TDRD3: variants seen among roughly 807,000 people sequenced by gnomAD.
The protein encoded by TDRD3 is tudor domain-containing protein 3.
In TDRD3, 45 loss-of-function variants were observed where a neutral mutation model predicts 86.7. That is an observed-to-expected ratio of 0.52 (90% confidence interval 0.41 to 0.67). The LOEUF (loss-of-function observed/expected upper bound fraction) is 0.67, where lower values mean the gene tolerates loss of function less well. TDRD3 is among the 30% of genes least tolerant of loss of function. The pLI is 0.00. For missense variants in TDRD3, 814 were observed against 889.0 expected (o/e 0.92, Z 1.07); for synonymous variants, 298 against 301.7 (o/e 0.99, Z 0.13).
intron 12 of TDRD3, among the ~76,000 whole-genome samples, chr13:60,550,867 C>G (rs1303145395): frequency 6.6e-6 from 1 of 152,120 alleles, no homozygotes; most frequent in African/African-American, 2.4e-5. Context: ...CTATTGAACA[C>G]TCAACTTTGT....
At chr13:60,404,512 G>A (rs1227888232) in intron 1 of TDRD3, among the ~76,000 whole-genome samples, 15 of 151,474 alleles carry the variant, frequency 9.9e-5, no homozygotes, top group African/African-American at 3.2e-4. Flanking sequence ...GGGTTTCACC[G>A]TTTTAGCCGG....
intron 5 of TDRD3, among the ~76,000 whole-genome samples, chr13:60,473,914 G>A (rs904219000): frequency 6.6e-6 from 1 of 152,144 alleles, no homozygotes; most frequent in African/African-American, 2.4e-5. Context: ...AACAGACCAG[G>A]AAAGGGAGTC....
At chr13:60,446,383 C>T (rs1316163159) in intron 3 of TDRD3, among the ~76,000 whole-genome samples, 2 of 151,892 alleles carry the variant, frequency 1.3e-5, no homozygotes, top group Non-Finnish European at 2.9e-5. Context: ...CATGCCACCA[C>T]GCCTGGCTAA....
At chr13:60,496,268 G>A (rs1180455858) in intron 8 of TDRD3, among the ~76,000 whole-genome samples, 1 of 128,476 alleles carries the variant, frequency 7.8e-6, no homozygotes, top group African/African-American at 2.9e-5. Context: ...GACCTTGTGA[G>A]TTAATACTTA....
intron 1 of TDRD3, among the ~76,000 whole-genome samples, chr13:60,413,281 A>T (rs1954408806): frequency 6.6e-6 from 1 of 152,188 alleles, no homozygotes; most frequent in Admixed American, 6.5e-5. Context: ...GAGGAAAAAA[A>T]TAGTTACAAA....
intron 10 of TDRD3, among the ~76,000 whole-genome samples, chr13:60,515,481 C>CAT (rs1003763379): frequency 3.3e-5 from 5 of 152,066 alleles, no homozygotes; most frequent in South Asian, 2.1e-4. Context: ...TACACACACA[C>CAT]ATATATATAT....
intron 4 of TDRD3, among the ~76,000 whole-genome samples, chr13:60,466,988 TTG>T (rs947180709): frequency 1.3e-5 from 2 of 152,072 alleles, no homozygotes; most frequent in Non-Finnish European, 2.9e-5. Context: ...TTTTGTTTTT[TTG>T]TTTTAAGTTT....
chr13:60,511,646 T>C (rs889283090), intron 10 of TDRD3, among the ~76,000 whole-genome samples: 2 of 152,238 alleles, frequency 1.3e-5, no homozygotes, highest in Non-Finnish European at 2.9e-5. Context: ...AAGTCTCAGA[T>C]GCTGATGTTA....
intron 5 of TDRD3, among the ~76,000 whole-genome samples, chr13:60,473,874 G>C (rs533029078): frequency 1.3e-5 from 2 of 152,162 alleles, no homozygotes; most frequent in African/African-American, 4.8e-5. Context: ...TAGCGGTAGC[G>C]TCAGTACCTG....
At chr13:60,517,092 G>C (rs1352477069) in intron 10 of TDRD3, among the ~76,000 whole-genome samples, 1 of 152,034 alleles carries the variant, frequency 6.6e-6, no homozygotes, top group Non-Finnish European at 1.5e-5. Context: ...GATATTAGCA[G>C]ATATAAAGAT....
At position 60,397,317 on chromosome 13, in the gene TDRD3, C is replaced by CCT; in HGVS notation, c.-48_-47insCT. ...GGGGGTCTCAAGTAGGAGGCCTCCC[C>CCT]ATCACCCCCACCCCAGCCCCCCACC... On this transcript the variant is annotated 5_prime_UTR_variant, in exon 1 of 14. It removes the in-frame stop codon of an upstream open reading frame in the 5' UTR. Transcript: ENST00000377881. 8.8e-7 allele frequency: 1 copy of CCT among 1,132,996 alleles called. No homozygotes were observed. The highest frequency in any genetic ancestry group is 1.2e-6 in the Non-Finnish European group (1 of 828,064). The allele number at this position is 1,132,996 out of a possible 1,614,324, so 70.2% of individuals were successfully genotyped here.
At chr13:60,564,321 T>C (rs967380768) in intron 12 of TDRD3, among the ~76,000 whole-genome samples, 1 of 152,140 alleles carries the variant, frequency 6.6e-6, no homozygotes. Context: ...TTCAATCAAA[T>C]ACATTTAAGA....
At chr13:60,547,444 C>T in intron 12 of TDRD3, 2 of 983,698 alleles carry the variant, frequency 2.0e-6, no homozygotes, top group African/African-American at 3.5e-5. Context: ...AGTCAGAAGA[C>T]CTGGGTTCGA....
At chr13:60,549,263 T>A (rs902997208) in intron 12 of TDRD3, among the ~76,000 whole-genome samples, 1 of 152,098 alleles carries the variant, frequency 6.6e-6, no homozygotes, top group Non-Finnish European at 1.5e-5. Flanking sequence ...GACAGATCAT[T>A]ATTAGTTTCT....
chr13:60,553,717 G>A (rs1958120704), intron 12 of TDRD3, among the ~76,000 whole-genome samples: 1 of 152,064 alleles, frequency 6.6e-6, no homozygotes, highest in African/African-American at 2.4e-5. Context: ...CAGCTCTCAT[G>A]AGAACTCACT....
At chr13:60,401,907 A>G (rs1954112661) in intron 1 of TDRD3, among the ~76,000 whole-genome samples, 2 of 152,262 alleles carry the variant, frequency 1.3e-5, no homozygotes, top group Non-Finnish European at 2.9e-5. Context: ...GTCAAAATGT[A>G]GAACTGGAAA....
rs1359584458 is a variant in TDRD3, at chr13:60,529,002, A to G, written c.1777A>G (p.Met593Val). 6.2e-7 allele frequency: 1 copy of G among 1,614,094 alleles called. No individual in the cohort carries two copies. The highest frequency in any genetic ancestry group is 1.1e-5 in the South Asian group (1 of 91,082). ...FIGVPNGEVEMPLKGRRIGPI... is the reference protein window; with the variant it reads ...FIGVPNGEVEVPLKGRRIGPI... ...TGGTGTTCCAAATGGAGAAGTAGAA[A>G]TGCCACTGAAAGGAAGACGAATAGG... Residue 593 changes from methionine (M) to valine (V), a missense_variant, in exon 11 of 14, where the codon ATG (methionine) becomes GTG (valine). Coordinates refer to ENST00000377881, the MANE Select transcript of TDRD3 (RefSeq NM_001146070.2).
chr13:60,461,986 T>A (rs1396159819), intron 4 of TDRD3, among the ~76,000 whole-genome samples: 1 of 152,200 alleles, frequency 6.6e-6, no homozygotes, highest in Non-Finnish European at 1.5e-5. Context: ...TATGACCTTT[T>A]CAGTGATTTC....
At position 60,528,910 on chromosome 13, in the gene TDRD3, T is replaced by C. The variant is rs772126078; in HGVS notation, c.1685T>C (p.Ile562Thr). 1 of 1,612,754 alleles carries C rather than the reference T, an allele frequency of 6.2e-7. No individual in the cohort carries two copies. The highest frequency in any genetic ancestry group is 1.1e-5 in the South Asian group (1 of 90,642). ...ATAAATAATGAAGCTTTCAGTGGTATAAAAATTGAAAAACATTTTAATGTA... is the reference window on the plus strand; with the variant it reads ...ATAAATAATGAAGCTTTCAGTGGTACAAAAATTGAAAAACATTTTAATGTA... ...QTINNEAFSGIKIEKHFNVNT... is the reference protein window; with the variant it reads ...QTINNEAFSGTKIEKHFNVNT... The change falls in exon 11 of 14, where the codon ATA (isoleucine) becomes ACA (threonine). Residue 562 changes from isoleucine to threonine, a missense_variant. Physicochemically the swap from Ile to Thr is moderately conservative, Grantham distance 89. Coordinates refer to ENST00000377881, the MANE Select transcript of TDRD3 (RefSeq NM_001146070.2).
Sources: gnomAD v4.1 joint callset for allele counts (sites outside exome capture counted in the v4.1 genomes callset) on GRCh38, gnomAD v4.1.1 for gene constraint, MANE v1.5 for transcripts, NCBI Gene and HGNC (gene_info 2026-07-23, HGNC 2026-07-21) for gene names.